Variants in CSMD1 observed in about 807,000 individuals in gnomAD.
CSMD1 encodes CUB and Sushi multiple domains 1.
In CSMD1, 213 loss-of-function variants were observed where a neutral mutation model predicts 417.5. The ratio of observed to expected loss-of-function variants is 0.51; its 90% CI spans 0.46 to 0.57. The LOEUF (loss-of-function observed/expected upper bound fraction) is 0.57. Among genes scored for constraint, CSMD1 ranks in the 20% least tolerant of loss-of-function variants. CSMD1 has a pLI of 0.00. For synonymous variants in CSMD1, 2,862 were observed against 1,736.8 expected (o/e 1.65, Z -16.11); for missense variants, 6,923 against 4,529.7 (o/e 1.53, Z -15.17).
intron 2 of CSMD1, among the ~76,000 whole-genome samples, chr8:4,458,018 C>T (rs1585110469): frequency 6.6e-6 from 1 of 152,136 alleles, no homozygotes; most frequent in Non-Finnish European, 1.5e-5. Context: ...CTCCCTATAT[C>T]CGGTATTCCT....
chr8:4,616,736 T>C (rs775606824), intron 2 of CSMD1, among the ~76,000 whole-genome samples: 1 of 152,222 alleles, frequency 6.6e-6, no homozygotes, highest in Non-Finnish European at 1.5e-5. Flanking sequence ...CATCATTGTG[T>C]ATGTTTTCCA....
chr8:4,646,814 G>T (rs560804906), intron 1 of CSMD1, among the ~76,000 whole-genome samples: 1 of 152,270 alleles, frequency 6.6e-6, no homozygotes, highest in South Asian at 2.1e-4. Flanking sequence ...TAAGAGGACA[G>T]ACAGTAAAGA....
intron 5 of CSMD1, among the ~76,000 whole-genome samples, chr8:3,858,185 A>T (rs990055440): frequency 1.3e-5 from 2 of 152,058 alleles, no homozygotes; most frequent in Non-Finnish European, 2.9e-5. Context: ...TAATTTTTTG[A>T]CTCTCTATTT....
intron 2 of CSMD1, among the ~76,000 whole-genome samples, chr8:4,627,086 T>C (rs933857199): frequency 2.6e-5 from 4 of 152,192 alleles, no homozygotes; most frequent in African/African-American, 7.2e-5. Context: ...GTATATAGCA[T>C]TCATTCCCTT....
At chr8:4,672,851 A>G (rs912766119) in intron 1 of CSMD1, among the ~76,000 whole-genome samples, 10 of 152,278 alleles carry the variant, frequency 6.6e-5, no homozygotes, top group African/African-American at 2.4e-4. Flanking sequence ...AGTGACGTAC[A>G]CATATGCATG....
intron 2 of CSMD1, among the ~76,000 whole-genome samples, chr8:4,435,787 A>C (rs1293914496): frequency 6.6e-6 from 1 of 152,194 alleles, no homozygotes; most frequent in Non-Finnish European, 1.5e-5. Flanking sequence ...GCTAAACAAG[A>C]CAATAGAAGA....
rs554884654 is a variant in CSMD1, at chr8:3,321,386, T to C, written c.3632-12883A>G. On this transcript the variant is annotated intron_variant, in intron 23 of 69. Coordinates refer to ENST00000635120, the MANE Select transcript of CSMD1 (RefSeq NM_033225.6). ...CCCTGCCCTTTAAGATCAAGCTCCC[T>C]TACGGCTGCAGCTGTCCTACCCTAC... 1.3e-3 allele frequency among the ~76,000 whole-genome samples: 191 copies of C among 152,254 alleles called. 1 individual carries two copies. The highest frequency in any genetic ancestry group is 4.4e-3 in the African/African-American group (182 of 41,544).
At chr8:3,446,198 A>T (rs1024977903) in intron 12 of CSMD1, among the ~76,000 whole-genome samples, 2 of 152,210 alleles carry the variant, frequency 1.3e-5, no homozygotes, top group Admixed American at 1.3e-4. Flanking sequence ...GGAGAAAAAA[A>T]TCGTGAATGC....
intron 5 of CSMD1, among the ~76,000 whole-genome samples, chr8:3,808,883 A>T (rs76980526): frequency 3.3e-5 from 5 of 152,296 alleles, no homozygotes; most frequent in South Asian, 2.1e-4. Flanking sequence ...TTCTGAAGTC[A>T]TATCAGGGAT....
intron 1 of CSMD1, among the ~76,000 whole-genome samples, chr8:4,855,585 G>C (rs1273113217): frequency 6.6e-6 from 1 of 152,196 alleles, no homozygotes; most frequent in African/African-American, 2.4e-5. Context: ...TGATGGAGCT[G>C]AAAACCAAGG....
At chr8:4,630,501 A>G (rs1439227055) in intron 2 of CSMD1, among the ~76,000 whole-genome samples, 2 of 152,180 alleles carry the variant, frequency 1.3e-5, no homozygotes, top group Admixed American at 6.5e-5. Context: ...ACAAAAACAA[A>G]AATACTCAAA....
chr8:4,351,947 C>G (rs1358971396), intron 3 of CSMD1, among the ~76,000 whole-genome samples: 1 of 77,928 alleles, frequency 1.3e-5, no homozygotes, highest in Non-Finnish European at 2.4e-5. Context: ...TGCCTTTATG[C>G]TATTTTTTTT....
intron 1 of CSMD1, among the ~76,000 whole-genome samples, chr8:4,688,585 G>A (rs1056141947): frequency 1.3e-5 from 2 of 152,142 alleles, no homozygotes; most frequent in Non-Finnish European, 2.9e-5. Flanking sequence ...GTCAGAGAGT[G>A]AACACTCCCT....
At chr8:4,108,166 T>G (rs1801668771) in intron 3 of CSMD1, among the ~76,000 whole-genome samples, 1 of 151,804 alleles carries the variant, frequency 6.6e-6, no homozygotes, top group Non-Finnish European at 1.5e-5. Flanking sequence ...ACAGTTTTAT[T>G]TTTATTAAGT....
intron 1 of CSMD1, among the ~76,000 whole-genome samples, chr8:4,834,491 C>G (rs1800340599): frequency 6.6e-6 from 1 of 152,034 alleles, no homozygotes; most frequent in Non-Finnish European, 1.5e-5. Context: ...CAGTGAAGTT[C>G]GAGCTGAGTT....
intron 12 of CSMD1, among the ~76,000 whole-genome samples, chr8:3,451,802 C>G (rs1310166103): frequency 1.3e-5 from 2 of 152,148 alleles, no homozygotes; most frequent in Non-Finnish European, 2.9e-5. Flanking sequence ...GATGCGGGCT[C>G]TTTTTTGGTT....
intron 1 of CSMD1, among the ~76,000 whole-genome samples, chr8:4,842,439 T>G (rs1243084903): frequency 4.6e-5 from 7 of 152,234 alleles, no homozygotes; most frequent in Admixed American, 3.9e-4. Flanking sequence ...GTTATTATGC[T>G]CTAAACTGCA....
chr8:4,306,602 C>T (rs756877011), intron 3 of CSMD1, among the ~76,000 whole-genome samples: 21 of 152,094 alleles, frequency 1.4e-4, no homozygotes, highest in Non-Finnish European at 2.6e-4. Context: ...CTGATGCTTT[C>T]CTTCTTGGCC....
rs1285362417 is a variant in CSMD1, at chr8:4,346,369, G to C, written c.415+73584C>G. Among the ~76,000 whole-genome samples, 3 of 152,062 alleles carry C rather than the reference G, an allele frequency of 2.0e-5. No individual in the cohort carries two copies. In the East Asian group the frequency reaches 5.8e-4, roughly 29 times the overall value. The stretch of plus-strand genomic sequence containing the variant: ...GCCCATCTATTTCCATACGATCTGC[G>C]GCTGCTTACCTGACCCCACAGCCGA... On this transcript the variant is annotated intron_variant, in intron 3 of 69. Coordinates refer to ENST00000635120, the MANE Select transcript of CSMD1 (RefSeq NM_033225.6).
Sources: gnomAD v4.1 joint callset for allele counts (sites outside exome capture counted in the v4.1 genomes callset) on GRCh38, gnomAD v4.1.1 for gene constraint, MANE v1.5 for transcripts, NCBI Gene and HGNC (gene_info 2026-07-23, HGNC 2026-07-21) for gene names.